Variants in PKP4 observed in about 807,000 individuals in gnomAD.
The protein encoded by PKP4 is plakophilin-4.
In PKP4, 90 loss-of-function variants were observed where a neutral mutation model predicts 145.1. That is an observed-to-expected ratio of 0.62 (90% CI 0.52 to 0.74). The LOEUF is 0.74. PKP4 is among the 30% of genes least tolerant of loss of function. The pLI, the probability that PKP4 is intolerant of heterozygous loss-of-function variation, is 0.00. For missense variants in PKP4, 1,340 were observed against 1,482.7 expected, an observed-to-expected ratio of 0.90 and a Z score of 1.58; for synonymous variants, 563 against 577.2, an observed-to-expected ratio of 0.98 and a Z score of 0.35.
At chr2:158,476,311 C>T (rs950976310) in intron 1 of PKP4, among the ~76,000 whole-genome samples, 1 of 152,092 alleles carries the variant, frequency 6.6e-6, no homozygotes, top group African/African-American at 2.4e-5. Flanking sequence ...GAATTGGGGG[C>T]TCATCCTCTG....
At chr2:158,612,991 C>T (rs1374840185) in intron 4 of PKP4, among the ~76,000 whole-genome samples, 1 of 152,094 alleles carries the variant, frequency 6.6e-6, no homozygotes, top group Non-Finnish European at 1.5e-5. Context: ...ACAACCACTA[C>T]CAAATCAAGC....
intron 1 of PKP4, among the ~76,000 whole-genome samples, chr2:158,507,947 C>T (rs2041139582): frequency 6.6e-6 from 1 of 152,060 alleles, no homozygotes; most frequent in Non-Finnish European, 1.5e-5. Flanking sequence ...GAGTGGACTT[C>T]CTTTACCTCT....
chr2:158,565,082 G>A (rs547855409), intron 2 of PKP4, among the ~76,000 whole-genome samples: 4 of 152,220 alleles, frequency 2.6e-5, no homozygotes, highest in Admixed American at 2.6e-4. Context: ...GTGTGACCTT[G>A]GGCAAGTCAT....
At chr2:158,540,992 A>C (rs1009712006) in intron 2 of PKP4, among the ~76,000 whole-genome samples, 3 of 152,228 alleles carry the variant, frequency 2.0e-5, no homozygotes, top group South Asian at 2.1e-4. Context: ...CTGTATATGC[A>C]AACTTTATGC....
chr2:158,531,926 A>G (rs2043590287), intron 1 of PKP4, among the ~76,000 whole-genome samples: 1 of 152,248 alleles, frequency 6.6e-6, no homozygotes, highest in Non-Finnish European at 1.5e-5. Flanking sequence ...ATTTATGCCT[A>G]TTAATATGGC....
rs182057269 is a variant in PKP4, at chr2:158,513,846, C to T, written c.-5-19334C>T. Among the ~76,000 whole-genome samples, 8 of 152,250 alleles carry T rather than the reference C, an allele frequency of 5.3e-5. No individual in the cohort carries two copies. In the East Asian group the frequency reaches 7.7e-4, roughly 15 times the overall value. ...TTCTTTCTCTTTTTCTCCCCCACCC[C>T]GCTTCCACCCCAATTTTAGACTGTT... is the stretch of plus-strand genomic sequence containing the variant. On this transcript the variant is annotated intron_variant, in intron 1 of 21. Coordinates refer to ENST00000389759, the MANE Select transcript of PKP4 (RefSeq NM_003628.6).
chr2:158,530,321 C>T (rs989217665), intron 1 of PKP4, among the ~76,000 whole-genome samples: 1 of 152,084 alleles, frequency 6.6e-6, no homozygotes, highest in African/African-American at 2.4e-5. Context: ...GCATTTTCCT[C>T]CTTCCAGTTT....
At chr2:158,591,116 A>C in intron 3 of PKP4, among the ~76,000 whole-genome samples, 1 of 152,112 alleles carries the variant, frequency 6.6e-6, no homozygotes, top group East Asian at 1.9e-4. Context: ...GAGCAAATGA[A>C]ATTATTTCAA....
Position 158,585,166 on chromosome 2 carries a change from A to C in PKP4, c.245+7783A>C, listed in dbSNP as rs559022358. Among the ~76,000 whole-genome samples the C allele has an allele frequency of 2.1e-4, 32 of 152,288 alleles. 1 individual carries two copies. In the East Asian group the frequency reaches 2.7e-3, roughly 13 times the overall value. On this transcript the variant is annotated intron_variant, in intron 3 of 21. Transcript: ENST00000389759. ...CTGTTCAGAAGCATTTGGTCCCTTCACATTGTTCATTCTTTGGCTGGCTGC... is the reference window on the plus strand; with the variant it reads ...CTGTTCAGAAGCATTTGGTCCCTTCCCATTGTTCATTCTTTGGCTGGCTGC...
intron 2 of PKP4, among the ~76,000 whole-genome samples, chr2:158,538,914 T>A (rs1559294720): frequency 6.6e-6 from 1 of 152,166 alleles, no homozygotes; most frequent in Non-Finnish European, 1.5e-5. Flanking sequence ...TTGAGGCCAA[T>A]CCAGATAGCA....
At chr2:158,609,244 C>T (rs1389841509) in intron 4 of PKP4, among the ~76,000 whole-genome samples, 1 of 151,930 alleles carries the variant, frequency 6.6e-6, no homozygotes, top group Non-Finnish European at 1.5e-5. Context: ...TTCTTTGCTG[C>T]TTTGACTGCA....
At chr2:158,466,063 A>G (rs1166198608) in intron 1 of PKP4, among the ~76,000 whole-genome samples, 3 of 152,224 alleles carry the variant, frequency 2.0e-5, no homozygotes, top group Admixed American at 6.5e-5. Flanking sequence ...TAGTGTAACT[A>G]TAGTATATCA....
Position 158,508,083 on chromosome 2 carries a change from A to G in PKP4, c.-5-25097A>G, listed in dbSNP as rs189392143. Among the ~76,000 whole-genome samples the G allele has an allele frequency of 4.4e-3, 674 of 152,234 alleles. 4 individuals are homozygous for G. The highest frequency in any genetic ancestry group is 0.02 in the Middle Eastern group (6 of 294). ...ATTGAAAATAGAAACAAGGCCAGGC[A>G]CAGTGGCTCACGCCTGTAATCTCAG... On this transcript the variant is annotated intron_variant, in intron 1 of 21. Transcript: ENST00000389759.
intron 1 of PKP4, among the ~76,000 whole-genome samples, chr2:158,489,911 C>G (rs1213155981): frequency 1.3e-5 from 2 of 152,048 alleles, no homozygotes; most frequent in East Asian, 1.9e-4. Flanking sequence ...AGCTTCAAAA[C>G]CCAGGCACAG....
At position 158,577,285 on chromosome 2, in the gene PKP4, G is replaced by A. The variant is rs2047934990; in HGVS notation, c.147G>A (p.Gln49=). ...ASVKEQELQF[Q]RLTRELEVER... is the part of the protein sequence containing the mutation. The stretch of plus-strand genomic sequence containing the variant: ...TTGAATCACAGGAGCTTCAGTTTCA[G>A]CGACTCACCCGAGAACTGGAAGTGG... Residue 49 remains glutamine, a synonymous_variant, in exon 3 of 22, where the codon CAG becomes CAA. Coordinates refer to ENST00000389759, the MANE Select transcript of PKP4 (RefSeq NM_003628.6). The A allele has an allele frequency of 6.2e-7, 1 of 1,612,244 alleles. No individual in the cohort carries two copies. The highest frequency in any genetic ancestry group is 1.1e-5 in the South Asian group (1 of 90,864).
rs528564349 is a variant in PKP4, at chr2:158,642,706, A to G, written c.1909+7A>G. 7.0e-6 allele frequency: 11 copies of G among 1,572,816 alleles called. No individual in the cohort carries two copies. In the African/African-American group the frequency reaches 1.1e-4, roughly 15 times the overall value. On this transcript the variant is annotated splice_region_variant and intron_variant, in intron 11 of 21. Transcript: ENST00000389759. ...GTAAGGGAGCTTGTTACAGGTAGGTATAGAATGTGATCTCGTCCTAGAGGA... is the reference window on the plus strand; with the variant it reads ...GTAAGGGAGCTTGTTACAGGTAGGTGTAGAATGTGATCTCGTCCTAGAGGA...
At chr2:158,459,209 C>A (rs1689382175) in intron 1 of PKP4, among the ~76,000 whole-genome samples, 2 of 152,112 alleles carry the variant, frequency 1.3e-5, no homozygotes, top group Admixed American at 1.3e-4. Flanking sequence ...AAAATGGCAA[C>A]ATGAAAACGA....
At chr2:158,562,541 G>C (rs1040154090) in intron 2 of PKP4, among the ~76,000 whole-genome samples, 3 of 152,172 alleles carry the variant, frequency 2.0e-5, no homozygotes, top group African/African-American at 7.2e-5. Context: ...AAAAGTTCTG[G>C]AGATGGATGA....
chr2:158,593,455 G>A (rs952414747), intron 3 of PKP4, among the ~76,000 whole-genome samples: 1 of 152,156 alleles, frequency 6.6e-6, no homozygotes, highest in African/African-American at 2.4e-5. Context: ...GGATACCAGA[G>A]GGAACTGTTT....
Sources: allele counts gnomAD v4.1 joint callset (sites outside exome capture counted in the v4.1 genomes callset), GRCh38; gene constraint gnomAD v4.1.1; transcripts MANE v1.5; gene names NCBI Gene and HGNC (gene_info 2026-07-23, HGNC 2026-07-21).